Variants in WNT9A observed in about 807,000 individuals in gnomAD.
WNT9A encodes Wnt family member 9A.
A neutral mutation model predicts 31.4 loss-of-function variants in WNT9A; 8 were observed. The ratio of observed to expected loss-of-function variants is 0.26; its 90% CI spans 0.15 to 0.46. The LOEUF is 0.46. WNT9A is among the 20% of genes least tolerant of loss of function. The pLI, the probability that WNT9A is intolerant of heterozygous loss-of-function variation, is 0.99. For synonymous variants in WNT9A, 236 were observed against 220.1 expected, an observed-to-expected ratio of 1.07 and a Z score of -0.64; for missense variants, 457 against 522.9, an observed-to-expected ratio of 0.87 and a Z score of 1.23.
chr1:227,923,503 G>C (rs1182099026), intron 3 of WNT9A, among the ~76,000 whole-genome samples: 2 of 152,270 alleles, frequency 1.3e-5, no homozygotes, highest in African/African-American at 2.4e-5. Flanking sequence ...GTCACCCCGG[G>C]TCAGCCACCC....
At position 227,925,758 on chromosome 1, in the gene WNT9A, C is replaced by T. The variant is rs996042086; in HGVS notation, c.96-239G>A. Among the ~76,000 whole-genome samples, 3 of 152,084 alleles carry T rather than the reference C, an allele frequency of 2.0e-5. No homozygotes were observed. The highest frequency in any genetic ancestry group is 1.3e-4 in the Admixed American group (2 of 15,282). ...AGTGACCACAGGGCTGTCTCTGCTGCCGACTCGACCCCCACAGTTTCAGGG... is the reference window on the plus strand; with the variant it reads ...AGTGACCACAGGGCTGTCTCTGCTGTCGACTCGACCCCCACAGTTTCAGGG... On this transcript the variant is annotated intron_variant, in intron 1 of 3. Coordinates refer to ENST00000272164, the MANE Select transcript of WNT9A (RefSeq NM_003395.4). The surrounding 1 kb of genome is among the most constrained non-coding windows in gnomAD (Gnocchi z 6.0).
In WNT9A at chr1:227,947,898, C is replaced by T. The variant is rs1320745140; in HGVS notation, c.-11G>A. ...GGACCCATCCAGCATCTTGCCGCGC[C>T]TCGGCGGCCGACCATCGCGCTCCCA... On this transcript the variant is annotated 5_prime_UTR_variant, in exon 1 of 4. Transcript: ENST00000272164. 2.8e-6 allele frequency: 3 copies of T among 1,063,762 alleles called. No homozygotes were observed. The highest frequency in any genetic ancestry group is 3.4e-5 in the African/African-American group (2 of 58,628). The allele number at this position is 1,063,762 out of a possible 1,614,324, so 65.9% of individuals were successfully genotyped here.
chr1:227,930,527 CTG>C (rs1180677461), intron 1 of WNT9A, among the ~76,000 whole-genome samples: 1 of 151,990 alleles, frequency 6.6e-6, no homozygotes, highest in African/African-American at 2.4e-5. Context: ...GGGTGACAGA[CTG>C]AGACCATCTA....
rs749255906 is a variant in WNT9A, at chr1:227,924,237, A to C, written c.516T>G (p.Leu172=). The C allele has an allele frequency of 2.5e-6, 4 of 1,613,324 alleles. No individual in the cohort carries two copies. In the Admixed American group the frequency reaches 6.7e-5, roughly 27 times the overall value. Residue 172 remains leucine (L), a synonymous_variant, in exon 3 of 4, where the codon CTT becomes CTG. Transcript: ENST00000272164. ...AWQWGGCGDN[L]KYSSKFVKEF... ...CCTTGACGAACTTGCTGCTGTACTT[A>C]AGGTTGTCTCCGCAGCCCCCCCACT...
intron 1 of WNT9A, among the ~76,000 whole-genome samples, chr1:227,927,756 C>T (rs930172931): frequency 6.6e-6 from 1 of 152,108 alleles, no homozygotes; most frequent in Non-Finnish European, 1.5e-5. Context: ...TGTGCCTCCC[C>T]AGGCCTGGAC....
At chr1:227,931,253 C>T (rs572353335) in intron 1 of WNT9A, among the ~76,000 whole-genome samples, 1 of 152,268 alleles carries the variant, frequency 6.6e-6, no homozygotes, top group Admixed American at 6.5e-5. Flanking sequence ...GGACGGGCTC[C>T]ATCCTCTTCT....
chr1:227,931,304 T>C (rs1666506852), intron 1 of WNT9A, among the ~76,000 whole-genome samples: 1 of 152,240 alleles, frequency 6.6e-6, no homozygotes, highest in Non-Finnish European at 1.5e-5. Flanking sequence ...CCTAGGATTT[T>C]CACGTCTGTG....
intron 3 of WNT9A, among the ~76,000 whole-genome samples, chr1:227,922,637 G>A (rs952965944): frequency 9.9e-5 from 15 of 152,256 alleles, no homozygotes; most frequent in African/African-American, 3.6e-4. Flanking sequence ...GCAGGAGAGT[G>A]TCCAGGCTGG....
Position 227,925,814 on chromosome 1 carries a change from A to G in WNT9A, c.96-295T>C, listed in dbSNP as rs1446891841. 6.6e-6 allele frequency among the ~76,000 whole-genome samples: 1 copy of G among 152,114 alleles called. No individual in the cohort carries two copies. The highest frequency in any genetic ancestry group is 1.5e-5 in the Non-Finnish European group (1 of 67,992). On this transcript the variant is annotated intron_variant, in intron 1 of 3. Transcript: ENST00000272164. The surrounding 1 kb of genome is among the most constrained non-coding windows in gnomAD (Gnocchi z 6.0). ...AGCTGACTCTGGCTGCACTGGACAG[A>G]TAAGACCCCCACAACACACACAACA...
In WNT9A at chr1:227,925,453, C is replaced by A. The variant is rs113887317; in HGVS notation, c.162G>T (p.Ala54=). 3 of 1,579,816 alleles carry A rather than the reference C, an allele frequency of 1.9e-6. No individual in the cohort carries two copies. Among genetic ancestry groups the A allele is most frequent in the Non-Finnish European group, 2.6e-6 (3 of 1,167,090 alleles). The change falls in exon 2 of 4, where the codon GCG becomes GCT. Residue 54 remains alanine (A), a synonymous_variant. Coordinates refer to ENST00000272164, the MANE Select transcript of WNT9A (RefSeq NM_003395.4). The surrounding 1 kb of genome is among the most constrained non-coding windows in gnomAD (Gnocchi z 6.0). ...TCAGCCGGTCGCAGGCCTTGTAGTG[C>A]GCCTGGGCAGCCGCCTCTGGCTCCA... ...LTLEPEAAAQ[A]HYKACDRLKL...
At chr1:227,932,716 T>C (rs1666533527) in intron 1 of WNT9A, among the ~76,000 whole-genome samples, 1 of 152,236 alleles carries the variant, frequency 6.6e-6, no homozygotes, top group East Asian at 1.9e-4. Context: ...TTAGCAGGCA[T>C]GGAAACAACA....
In WNT9A at chr1:227,947,809, A is replaced by G; in HGVS notation, c.79T>C (p.Ser27Pro). 1 of 1,089,516 alleles carries G rather than the reference A, an allele frequency of 9.2e-7. No homozygotes were observed. The highest frequency in any genetic ancestry group is 1.1e-6 in the Non-Finnish European group (1 of 898,086). 67.5% of individuals were successfully genotyped at this position (1,089,516 alleles called of 1,614,324 possible). A position where few individuals can be genotyped will look rare whatever the true frequency, so the allele number is the denominator to read the frequency against. Residue 27 changes from serine to proline, a missense_variant, in exon 1 of 4, where the codon TCG (serine) becomes CCG (proline). Physicochemically the swap from Ser to Pro is moderately conservative, Grantham distance 74. Transcript: ENST00000272164. Reference sequence around the variant, plus strand: ...GGCACCTACCCGAAGTAGGCGGCCGAAGGGCGCAGCGCGGCGAGCAGCAGC... The same window carrying G: ...GGCACCTACCCGAAGTAGGCGGCCGGAGGGCGCAGCGCGGCGAGCAGCAGC... ...LTLLLAALRPSAAYFGLTGSE... is the reference protein window; with the variant it reads ...LTLLLAALRPPAAYFGLTGSE...
At position 227,925,511 on chromosome 1, in the gene WNT9A, C is replaced by G; in HGVS notation, c.104G>C (p.Gly35Ala). Reference sequence around the variant, plus strand: ...CGGGAGGATGGTCAGGGGCTCGCTGCCCGTCAGCCTGGGCACAGAGAGGCC... The same window carrying G: ...CGGGAGGATGGTCAGGGGCTCGCTGGCCGTCAGCCTGGGCACAGAGAGGCC... ...RPSAAYFGLT[G>A]SEPLTILPLT... The change falls in exon 2 of 4, where the codon GGC becomes GCC. Residue 35 changes from glycine (G) to alanine (A), a missense_variant. Physicochemically the swap from Gly to Ala is moderately conservative, Grantham distance 60 (BLOSUM62 0). Transcript: ENST00000272164. This position sits in a 1 kb window ranked among gnomAD's most constrained non-coding sequence, Gnocchi z 6.0. 1 of 1,545,342 alleles carries G rather than the reference C, an allele frequency of 6.5e-7. No homozygotes were observed. Among genetic ancestry groups the G allele is most frequent in the Non-Finnish European group, 8.7e-7 (1 of 1,150,090 alleles).
In WNT9A at chr1:227,921,874, C is replaced by G. The variant is rs1037579560; in HGVS notation, c.742G>C (p.Glu248Gln). 3 of 1,613,094 alleles carry G rather than the reference C, an allele frequency of 1.9e-6. No individual in the cohort carries two copies. The highest frequency in any genetic ancestry group is 1.7e-6 in the Non-Finnish European group (2 of 1,179,952). ...EVGKHLKHKY[E>Q]TALKVGSTTN... ...GTGCTGCCCACCTTGAGTGCCGTCTCATACTTGTGCTTCAGATGCTTGCCC... is the reference window on the plus strand; with the variant it reads ...GTGCTGCCCACCTTGAGTGCCGTCTGATACTTGTGCTTCAGATGCTTGCCC... Residue 248 changes from glutamate (E) to glutamine (Q), a missense_variant, in exon 4 of 4, where the codon GAG becomes CAG. Physicochemically the swap from Glu to Gln is conservative, Grantham distance 29. Coordinates refer to ENST00000272164, the MANE Select transcript of WNT9A (RefSeq NM_003395.4).
chr1:227,947,822 G>T lies in WNT9A; in HGVS notation c.66C>A (p.Ala22=), dbSNP rs1310216549. ...AGTAGGCGGCCGAAGGGCGCAGCGC[G>T]GCGAGCAGCAGCGTCAGCCCGAAGG... ...AAAFGLTLLL[A]ALRPSAAYFG... is the part of the protein sequence containing the mutation. Residue 22 remains alanine, a synonymous_variant, in exon 1 of 4, where the codon GCC becomes GCA. Transcript: ENST00000272164. 4 of 1,097,542 alleles carry T rather than the reference G, an allele frequency of 3.6e-6. No individual in the cohort carries two copies. The highest frequency in any genetic ancestry group is 3.3e-6 in the Non-Finnish European group (3 of 902,616). 68.0% of individuals were successfully genotyped at this position (1,097,542 alleles called of 1,614,324 possible). A position where few individuals can be genotyped will look rare whatever the true frequency, so the allele number is the denominator to read the frequency against.
chr1:227,947,580 C>T (rs1666815058), intron 1 of WNT9A, among the ~76,000 whole-genome samples: 1 of 150,684 alleles, frequency 6.6e-6, no homozygotes, highest in Non-Finnish European at 1.5e-5. Context: ...GACCGCGGCC[C>T]GGCGCAAGCC....
At chr1:227,924,800 C>T (rs1193853791) in intron 2 of WNT9A, among the ~76,000 whole-genome samples, 15 of 152,216 alleles carry the variant, frequency 9.9e-5, no homozygotes, top group Non-Finnish European at 1.9e-4. Flanking sequence ...ACTCCAGAAG[C>T]TGAAGTGAAA....
intron 1 of WNT9A, among the ~76,000 whole-genome samples, chr1:227,936,713 G>T (rs2796057): frequency 7.9e-5 from 12 of 151,688 alleles, no homozygotes; most frequent in African/African-American, 1.9e-4. Flanking sequence ...GCAGCCTCCA[G>T]CTCCAGGACT....
rs926329130 is a variant in WNT9A at position 227,939,203 on chromosome 1, G to A, written c.95+8590C>T. On this transcript the variant is annotated intron_variant, in intron 1 of 3. Coordinates refer to ENST00000272164, the MANE Select transcript of WNT9A (RefSeq NM_003395.4). Reference sequence around the variant, plus strand: ...ACAGTTCCACGCTGCAGATGGGGCCGCAGACAGTGCTGGTCTCAGGAACCA... The same window carrying A: ...ACAGTTCCACGCTGCAGATGGGGCCACAGACAGTGCTGGTCTCAGGAACCA... Among the ~76,000 whole-genome samples the A allele has an allele frequency of 5.3e-5, 8 of 152,348 alleles. 1 individual carries two copies. The South Asian group carries it at 1.0e-3, about 20-fold the overall frequency.
Sources: allele counts gnomAD v4.1 joint callset (sites outside exome capture counted in the v4.1 genomes callset), GRCh38; gene constraint gnomAD v4.1.1; non-coding constraint Gnocchi (gnomAD v3.1); transcripts MANE v1.5; gene names NCBI Gene and HGNC (gene_info 2026-07-23, HGNC 2026-07-21).